The following RAB33B variants were observed in gnomAD, a reference collection of about 807,000 sequenced individuals.
RAB33B encodes the protein RAB33B, member RAS oncogene family.
A neutral mutation model predicts 15.0 loss-of-function variants in RAB33B; 6 were observed. The observed-to-expected ratio is 0.40, with a 90% CI of 0.22 to 0.79. RAB33B has a LOEUF of 0.79. Ranked by LOEUF, RAB33B falls within the 30% of genes least tolerant of loss-of-function variation. The pLI, the probability that RAB33B is intolerant of heterozygous loss-of-function variation, is 0.37. For missense variants in RAB33B, 257 were observed against 296.4 expected (o/e 0.87, Z 0.98); for synonymous variants, 117 against 108.3 (o/e 1.08, Z -0.50).
At chr4:139,456,912 C>T (rs1413016346) in intron 1 of RAB33B, among the ~76,000 whole-genome samples, 1 of 152,060 alleles carries the variant, frequency 6.6e-6, no homozygotes, top group Non-Finnish European at 1.5e-5. Context: ...TTTGGTTAAC[C>T]TGTAATACAT....
intron 1 of RAB33B, among the ~76,000 whole-genome samples, chr4:139,464,609 A>G (rs60706994): frequency 5.9e-5 from 9 of 151,856 alleles, no homozygotes; most frequent in East Asian, 1.9e-4. Context: ...TCATTGTTCA[A>G]TTCCCACCTA....
At chr4:139,458,914 A>G (rs193278639) in intron 1 of RAB33B, among the ~76,000 whole-genome samples, 39 of 152,304 alleles carry the variant, frequency 2.6e-4, no homozygotes, top group Non-Finnish European at 2.9e-5. Flanking sequence ...CTTTGCCAGC[A>G]TATGTTATTT....
At chr4:139,447,310 C>T in the RAB33B span, among the ~76,000 whole-genome samples, 3 of 152,174 alleles carry the variant, frequency 2.0e-5, no homozygotes, top group Non-Finnish European at 2.9e-5. Context: ...CATGTATACC[C>T]TGAATCAGCG....
intron 1 of RAB33B, 130 bp from the exon 2 acceptor site, chr4:139,472,556 C>G: frequency 3.0e-6 from 2 of 676,998 alleles, no homozygotes; most frequent in Non-Finnish European, 4.8e-6. Context: ...ACTGAAAAGA[C>G]ATTATGGAAG....
rs558098337 is a variant in RAB33B at position 139,475,853 on chromosome 4, T to G, written c.*2727T>G. ...TCATGAAATCTAAGTAATTTTGTTG[T>G]GGAATAGTGTCACTGTTACATTTCC... On this transcript the variant is annotated 3_prime_UTR_variant, in exon 2 of 2. Coordinates refer to ENST00000305626, the MANE Select transcript of RAB33B (RefSeq NM_031296.3). The G allele has an allele frequency of 6.6e-5, 10 of 152,296 alleles. No homozygotes were observed. The highest frequency in any genetic ancestry group is 2.4e-4 in the African/African-American group (10 of 41,562). 9.4% of individuals were successfully genotyped at this position (152,296 alleles called of 1,614,324 possible).
Position 139,469,016 on chromosome 4 carries a change from A to G in RAB33B, c.250-3670A>G, listed in dbSNP as rs551205827. ...TTTATTCTTGACCTTTGGGAGTTTG[A>G]TTATTAAATGCCTTCAGGTAGTCTT... On this transcript the variant is annotated intron_variant, in intron 1 of 1. Coordinates refer to ENST00000305626, the MANE Select transcript of RAB33B (RefSeq NM_031296.3). Among the ~76,000 whole-genome samples, 6 of 151,980 alleles carry G rather than the reference A, an allele frequency of 3.9e-5. No homozygotes were observed. The East Asian group carries it at 1.2e-3, about 29-fold the overall frequency.
the RAB33B span, among the ~76,000 whole-genome samples, chr4:139,442,501 G>A: frequency 8.5e-5 from 13 of 152,124 alleles, no homozygotes; most frequent in Non-Finnish European, 1.8e-4. Context: ...TTGAGTCAGT[G>A]GGCTGGGAAA....
the RAB33B span, among the ~76,000 whole-genome samples, chr4:139,444,254 A>T: frequency 6.6e-6 from 1 of 152,178 alleles, no homozygotes; most frequent in African/African-American, 2.4e-5. Flanking sequence ...GTTAGCTGAA[A>T]TATGGATTAA....
At chr4:139,442,997 C>CTT in the RAB33B span, among the ~76,000 whole-genome samples, 30 of 145,812 alleles carry the variant, frequency 2.1e-4, no homozygotes, top group Non-Finnish European at 2.6e-4. Flanking sequence ...CTGGCATGAA[C>CTT]TTTTTTTTTT....
chr4:139,467,589 G>T (rs541234975), intron 1 of RAB33B, among the ~76,000 whole-genome samples: 1 of 151,712 alleles, frequency 6.6e-6, no homozygotes, highest in South Asian at 2.1e-4. Context: ...AGGTGCAGTG[G>T]GTCATGCCTG....
At position 139,474,144 on chromosome 4, in the gene RAB33B, C is replaced by T. The variant is rs1265877021; in HGVS notation, c.*1018C>T. 2 of 151,942 alleles carry T rather than the reference C, an allele frequency of 1.3e-5. No homozygotes were observed. The highest frequency in any genetic ancestry group is 2.9e-5 in the Non-Finnish European group (2 of 68,004). 9.4% of individuals were successfully genotyped at this position (151,942 alleles called of 1,614,324 possible). A position where few individuals can be genotyped will look rare whatever the true frequency, so the allele number is the denominator to read the frequency against. On this transcript the variant is annotated 3_prime_UTR_variant, in exon 2 of 2. Coordinates refer to ENST00000305626, the MANE Select transcript of RAB33B (RefSeq NM_031296.3). ...GGTCTCGATCTCTTGACCTCATGAT[C>T]CACCCGCCTCAGCTTCCCAAAGTGC...
At chr4:139,454,630 A>G (rs1489316595) in intron 1 of RAB33B, among the ~76,000 whole-genome samples, 186 bp downstream of exon 1, 3 of 152,182 alleles carry the variant, frequency 2.0e-5, no homozygotes, top group Non-Finnish European at 4.4e-5. Flanking sequence ...CTCAGACTTC[A>G]TTGTGCATGC....
At chr4:139,442,711 C>T in the RAB33B span, among the ~76,000 whole-genome samples, 1 of 152,160 alleles carries the variant, frequency 6.6e-6, no homozygotes, top group Non-Finnish European at 1.5e-5. Context: ...TCCTTTCTTG[C>T]AGCTTGCAGA....
At chr4:139,452,112 CTGTG>C (rs1749937904), upstream of RAB33B, 1 of 152,240 alleles carries the variant, frequency 6.6e-6, no homozygotes, top group African/African-American at 2.4e-5. Flanking sequence ...TAGGGCTGAA[CTGTG>C]TGTAACTGGT....
intron 1 of RAB33B, among the ~76,000 whole-genome samples, chr4:139,459,646 T>C (rs1750132963): frequency 6.6e-6 from 1 of 151,650 alleles, no homozygotes; most frequent in African/African-American, 2.4e-5. Flanking sequence ...TTTTTTTTTT[T>C]CTTTTGAGAC....
chr4:139,475,352 A>C lies in RAB33B; in HGVS notation c.*2226A>C, dbSNP rs749501900. ...TTACTATTATTATGGTTTTAAAAAGAGTAACTTTATTTCTTTTTGTAAGGA... is the reference window on the plus strand; with the variant it reads ...TTACTATTATTATGGTTTTAAAAAGCGTAACTTTATTTCTTTTTGTAAGGA... On this transcript the variant is annotated 3_prime_UTR_variant, in exon 2 of 2. Transcript: ENST00000305626. The C allele has an allele frequency of 6.6e-6, 1 of 151,944 alleles. No homozygotes were observed. The highest frequency in any genetic ancestry group is 1.5e-5 in the Non-Finnish European group (1 of 67,946). 9.4% of individuals were successfully genotyped at this position (151,944 alleles called of 1,614,324 possible).
chr4:139,465,860 A>G (rs1750275039), intron 1 of RAB33B, among the ~76,000 whole-genome samples: 1 of 151,390 alleles, frequency 6.6e-6, no homozygotes, highest in South Asian at 2.1e-4. Flanking sequence ...CTCCCAAGTA[A>G]CTGGAAGCAC....
rs182874424 is a variant in RAB33B at position 139,461,283 on chromosome 4, G to A, written c.249+6839G>A. On this transcript the variant is annotated intron_variant, in intron 1 of 1. Coordinates refer to ENST00000305626, the MANE Select transcript of RAB33B (RefSeq NM_031296.3). The stretch of plus-strand genomic sequence containing the variant: ...TGTGAATGGAAAGCAGGGGAGGGCC[G>A]ATTCCCAAGGAAAATAGGGTGCTAT... Among the ~76,000 whole-genome samples, 80 of 152,204 alleles carry A rather than the reference G, an allele frequency of 5.3e-4. No homozygotes were observed. In the East Asian group the frequency reaches 0.014, roughly 26 times the overall value.
rs1750487673 is a variant in RAB33B at position 139,475,647 on chromosome 4, T to TA, written c.*2527dup. On this transcript the variant is annotated 3_prime_UTR_variant, in exon 2 of 2. Coordinates refer to ENST00000305626, the MANE Select transcript of RAB33B (RefSeq NM_031296.3). Reference sequence around the variant, plus strand: ...ATTTTTAAAGAACAAATCACACATTTAAAAAATCTGTAGAATTTATTTTAA... The same window carrying TA: ...ATTTTTAAAGAACAAATCACACATTTAAAAAAATCTGTAGAATTTATTTTAA... The TA allele has an allele frequency of 1.3e-5, 2 of 152,192 alleles. 1 individual carries two copies. Among genetic ancestry groups the TA allele is most frequent in the East Asian group, 3.9e-4 (2 of 5,186 alleles). 9.4% of individuals were successfully genotyped at this position (152,192 alleles called of 1,614,324 possible).
Sources: gnomAD v4.1 joint callset for allele counts (sites outside exome capture counted in the v4.1 genomes callset) on GRCh38, gnomAD v4.1.1 for gene constraint, MANE v1.5 for transcripts, NCBI Gene and HGNC (gene_info 2026-07-23, HGNC 2026-07-21) for gene names.